LRRC56: variants seen among roughly 807,000 people sequenced by gnomAD.
LRRC56 encodes the protein leucine rich repeat containing 56, also known as leucine-rich repeat-containing protein 56.
Under a neutral mutation model 47.8 loss-of-function variants are expected in LRRC56, and 41 were observed. The observed-to-expected ratio is 0.86, with a 90% CI of 0.67 to 1.11. LRRC56 has a LOEUF of 1.11. LRRC56 is among the 50% of genes most tolerant of loss of function. LRRC56 has a pLI of 0.00. For synonymous variants in LRRC56, 387 were observed against 311.2 expected (o/e 1.24, Z -2.56); for missense variants, 759 against 704.2 (o/e 1.08, Z -0.88).
chr11:532,485 C>A, the LRRC56 span: 6 of 1,067,154 alleles, frequency 5.6e-6, no homozygotes, highest in South Asian at 7.4e-5. Flanking sequence ...GTCTGCACCT[C>A]CTTCCTGCAT....
chr11:553,984 A>C lies in LRRC56; in HGVS notation c.1337A>C (p.Gln446Pro), dbSNP rs1442375341. The C allele has an allele frequency of 6.2e-7, 1 of 1,612,142 alleles. No homozygotes were observed. The stretch of plus-strand genomic sequence containing the variant: ...CTAGAGCCCTCCGGGACCTCGAGCC[A>C]GCACCTGGTCCCTTCACCTCCCAAG... ...LASEPSGTSSQHLVPSPPKHP... is the reference protein window; with the variant it reads ...LASEPSGTSSPHLVPSPPKHP... The change falls in exon 14 of 14, where the codon CAG becomes CCG. Residue 446 changes from glutamine (Q) to proline (P), a missense_variant. Physicochemically the swap from Gln to Pro is moderately conservative, Grantham distance 76. Transcript: ENST00000270115.
At chr11:536,471 C>T (rs763926184), upstream of LRRC56, among the ~76,000 whole-genome samples, 1 of 152,214 alleles carries the variant, frequency 6.6e-6, no homozygotes, top group Non-Finnish European at 1.5e-5. Flanking sequence ...AATACATCCT[C>T]ATTAAAAAAC....
chr11:515,073 C>T, the LRRC56 span, among the ~76,000 whole-genome samples: 1 of 152,174 alleles, frequency 6.6e-6, no homozygotes, highest in Non-Finnish European at 1.5e-5. Flanking sequence ...CATTGATTTT[C>T]CTCTTCTTAC....
chr11:532,745 T>A (rs1434040739), upstream of LRRC56: 4 of 1,612,700 alleles, frequency 2.5e-6, no homozygotes, highest in Admixed American at 6.7e-5. Context: ...GTAGAAGGCA[T>A]CCTCCACTCC....
chr11:551,347 C>A (rs958883099), intron 9 of LRRC56, 45 bp downstream of exon 9: 12 of 1,385,442 alleles, frequency 8.7e-6, no homozygotes, highest in Non-Finnish European at 1.1e-5. Flanking sequence ...GCCCCAGCTC[C>A]CCCCAGGAAG....
upstream of LRRC56, among the ~76,000 whole-genome samples, chr11:533,070 A>G (rs922244905): frequency 6.6e-6 from 1 of 152,136 alleles, no homozygotes; most frequent in Admixed American, 6.5e-5. Context: ...CAGTAGCCCC[A>G]CTAAGACTCA....
chr11:532,769 G>T, upstream of LRRC56: 2 of 1,611,482 alleles, frequency 1.2e-6, no homozygotes, highest in Non-Finnish European at 1.7e-6. Flanking sequence ...GGAAAGGAGG[G>T]ATGGGATCAG....
chr11:551,306 C>A lies in LRRC56; in HGVS notation c.796+4C>A, dbSNP rs371434901. 1.3e-6 allele frequency: 2 copies of A among 1,504,100 alleles called. No individual in the cohort carries two copies. Among genetic ancestry groups the A allele is most frequent in the Non-Finnish European group, 1.8e-6 (2 of 1,115,978 alleles). The allele number at this position is 1,504,100 out of a possible 1,614,324, so 93.2% of individuals were successfully genotyped here. ...GGCAACGGCCTTCCCCCGCTGGGTA[C>A]GGCAGCTGCGCCCGGAGGACCCACT... On this transcript the variant is annotated splice_donor_region_variant and intron_variant, in intron 9 of 13. Transcript: ENST00000270115.
intron 9 of LRRC56, 125 bp downstream of exon 9, chr11:551,427 TC>T: frequency 1.3e-6 from 1 of 792,166 alleles, no homozygotes; most frequent in Non-Finnish European, 2.0e-6. Flanking sequence ...TTGACCCCGG[TC>T]CCCAGAGCTG....
rs1427432554 is a variant in LRRC56 at position 541,785 on chromosome 11, G to A, written c.265+161G>A. 6.6e-6 allele frequency among the ~76,000 whole-genome samples: 1 copy of A among 152,012 alleles called. No homozygotes were observed. The highest frequency in any genetic ancestry group is 1.5e-5 in the Non-Finnish European group (1 of 67,974). ...GACCTGAGGTCTGTGTCAGGTACAGGCAGAGGGCAATGCACTCAGCACCCC... is the reference window on the plus strand; with the variant it reads ...GACCTGAGGTCTGTGTCAGGTACAGACAGAGGGCAATGCACTCAGCACCCC... On this transcript the variant is annotated intron_variant, in intron 5 of 13. Coordinates refer to ENST00000270115, the MANE Select transcript of LRRC56 (RefSeq NM_198075.4). The surrounding 1 kb of genome is among the most constrained non-coding windows in gnomAD (Gnocchi z 4.1).
rs529767766 is a variant in LRRC56, at chr11:552,512, G to T, written c.1182-57G>T. ...CCCAAGGCTCATGGACCATCCCTATGTGTCCTGTCCCGTGGGGGGATCAGG... is the reference window on the plus strand; with the variant it reads ...CCCAAGGCTCATGGACCATCCCTATTTGTCCTGTCCCGTGGGGGGATCAGG... On this transcript the variant is annotated intron_variant, in intron 12 of 13. Transcript: ENST00000270115. The T allele has an allele frequency of 3.7e-5, 53 of 1,445,762 alleles. No individual in the cohort carries two copies. The African/African-American group carries it at 7.1e-4, about 19-fold the overall frequency. 89.6% of individuals were successfully genotyped at this position (1,445,762 alleles called of 1,614,324 possible).
chr11:533,222 A>G (rs2133984526), upstream of LRRC56: 1 of 1,435,240 alleles, frequency 7.0e-7, no homozygotes, highest in Non-Finnish European at 9.4e-7. Flanking sequence ...GCAGGGCGTG[A>G]GCCCAGACCC....
At chr11:516,064 T>C in the LRRC56 span, among the ~76,000 whole-genome samples, 1 of 152,196 alleles carries the variant, frequency 6.6e-6, no homozygotes, top group Non-Finnish European at 1.5e-5. Flanking sequence ...TCTATCCTGT[T>C]ACCAATGCCA....
chr11:511,978 T>G, the LRRC56 span, among the ~76,000 whole-genome samples: 1 of 151,962 alleles, frequency 6.6e-6, no homozygotes, highest in Non-Finnish European at 1.5e-5. Flanking sequence ...GAGTCTTACT[T>G]TGTCACCCAG....
At chr11:534,611 A>G (rs1464212897), upstream of LRRC56, 2 of 526,756 alleles carry the variant, frequency 3.8e-6, no homozygotes, top group East Asian at 3.2e-5. Flanking sequence ...CCAGCCCTCA[A>G]AGGCAGGGCT....
the LRRC56 span, among the ~76,000 whole-genome samples, chr11:518,798 C>T: frequency 1.3e-5 from 2 of 152,100 alleles, no homozygotes; most frequent in Non-Finnish European, 2.9e-5. Context: ...TCGCGGCGCC[C>T]CCTCCTGGAT....
chr11:509,763 G>T, the LRRC56 span, among the ~76,000 whole-genome samples: 1 of 145,894 alleles, frequency 6.9e-6, no homozygotes, highest in Non-Finnish European at 1.5e-5. Context: ...CAGGGTTTCA[G>T]CGTGTTAGCC....
At chr11:515,506 C>T in the LRRC56 span, among the ~76,000 whole-genome samples, 14 of 152,268 alleles carry the variant, frequency 9.2e-5, no homozygotes, top group East Asian at 1.3e-3. Context: ...TCATTCTTAA[C>T]GCACATTTTA....
chr11:510,928 T>G, the LRRC56 span, among the ~76,000 whole-genome samples: 8 of 150,848 alleles, frequency 5.3e-5, no homozygotes, highest in Non-Finnish European at 1.2e-4. Context: ...AATAATATGT[T>G]TGTCTGAAAG....
Sources: allele counts gnomAD v4.1 joint callset (sites outside exome capture counted in the v4.1 genomes callset), GRCh38; gene constraint gnomAD v4.1.1; non-coding constraint Gnocchi (gnomAD v3.1); transcripts MANE v1.5; gene names NCBI Gene and HGNC (gene_info 2026-07-23, HGNC 2026-07-21).